Variants in NMT1 observed in about 807,000 individuals in gnomAD.
The protein encoded by NMT1 is N-myristoyltransferase 1, also known as glycylpeptide N-tetradecanoyltransferase 1.
In NMT1, 12 loss-of-function variants were observed where a neutral mutation model predicts 63.4. The observed-to-expected ratio is 0.19, with a 90% CI of 0.12 to 0.31. NMT1 has a LOEUF of 0.31. NMT1 is among the 10% of genes least tolerant of loss of function. The pLI is 1.00. For synonymous variants in NMT1, 228 were observed against 234.3 expected, an observed-to-expected ratio of 0.97 and a Z score of 0.25; for missense variants, 432 against 634.6, an observed-to-expected ratio of 0.68 and a Z score of 3.43.
chr17:45,099,655 T>TG, intron 8 of NMT1, 142 bp downstream of exon 8: 1 of 624,864 alleles, frequency 1.6e-6, no homozygotes, highest in Non-Finnish European at 2.9e-6. Flanking sequence ...TCAGATTTCC[T>TG]GGACTTTCTA....
rs547458983 is a variant in NMT1 at position 45,104,697 on chromosome 17, C to A, written c.1333-162C>A. 3.4e-6 allele frequency: 5 copies of A among 1,450,032 alleles called. No individual in the cohort carries two copies. In the African/African-American group the frequency reaches 5.7e-5, roughly 16 times the overall value. The allele number at this position is 1,450,032 out of a possible 1,614,324, so 89.8% of individuals were successfully genotyped here. A position where few individuals can be genotyped will look rare whatever the true frequency, so the allele number is the denominator to read the frequency against. On this transcript the variant is annotated intron_variant, in intron 10 of 11. Coordinates refer to ENST00000258960, the MANE Select transcript of NMT1 (RefSeq NM_021079.5). This position sits in a 1 kb window ranked among gnomAD's most constrained non-coding sequence, Gnocchi z 4.2. Reference sequence around the variant, plus strand: ...GGGGGCGCTCAGAGTGTCCTGAGAACCACCCGGAGAGCGGGGATTAACGTG... The same window carrying A: ...GGGGGCGCTCAGAGTGTCCTGAGAAACACCCGGAGAGCGGGGATTAACGTG...
chr17:45,079,110 T>C (rs963597865), intron 1 of NMT1, among the ~76,000 whole-genome samples: 5 of 148,592 alleles, frequency 3.4e-5, no homozygotes, highest in Non-Finnish European at 7.5e-5. Flanking sequence ...TTTTCTTTTT[T>C]TTTTTTTCCC....
chr17:45,083,473 G>C (rs7211508), intron 2 of NMT1, among the ~76,000 whole-genome samples: 134 of 152,150 alleles, frequency 8.8e-4, no homozygotes, highest in African/African-American at 3.1e-3. Context: ...ACCTTATTGA[G>C]ATATGACTTC....
intron 8 of NMT1, among the ~76,000 whole-genome samples, chr17:45,102,610 C>T (rs754019437): frequency 1.3e-5 from 2 of 152,224 alleles, no homozygotes; most frequent in East Asian, 1.9e-4. Flanking sequence ...GCAGAAGGTA[C>T]AGCTAGAAAG....
intron 1 of NMT1, among the ~76,000 whole-genome samples, chr17:45,076,620 C>A (rs182293029): frequency 6.6e-6 from 1 of 151,836 alleles, no homozygotes; most frequent in Non-Finnish European, 1.5e-5. Context: ...TGTGATGGCA[C>A]ATGCTTATAA....
At chr17:45,099,268 C>T (rs1217622949) in intron 7 of NMT1, 137 bp from the exon 8 acceptor site, 8 of 657,024 alleles carry the variant, frequency 1.2e-5, no homozygotes, top group Admixed American at 8.9e-5. Flanking sequence ...GGCTGGAGAG[C>T]AGGGTGACAC....
Position 45,103,072 on chromosome 17 carries a change from A to G in NMT1, c.1115A>G (p.Glu372Gly). ...LTPVMSQEEVEHWFYPQENII... is the reference protein window; with the variant it reads ...LTPVMSQEEVGHWFYPQENII... Reference sequence around the variant, plus strand: ...CCCGTCATGAGCCAGGAGGAGGTGGAGCACTGGTTCTACCCCCAGGAGAAT... The same window carrying G: ...CCCGTCATGAGCCAGGAGGAGGTGGGGCACTGGTTCTACCCCCAGGAGAAT... The change falls in exon 9 of 12, where the codon GAG (glutamate) becomes GGG (glycine). Residue 372 changes from glutamate to glycine, a missense_variant. Physicochemically the swap from Glu to Gly is moderately conservative, Grantham distance 98 (BLOSUM62 -2). This residue lies in a region of NMT1 where 295 missense variants were observed against 489.7 expected (regional missense o/e 0.60). Coordinates refer to ENST00000258960, the MANE Select transcript of NMT1 (RefSeq NM_021079.5). This position sits in a 1 kb window ranked among gnomAD's most constrained non-coding sequence, Gnocchi z 4.8. 1 of 1,613,950 alleles carries G rather than the reference A, an allele frequency of 6.2e-7. No individual in the cohort carries two copies. Among genetic ancestry groups the G allele is most frequent in the African/African-American group, 1.3e-5 (1 of 75,026 alleles).
At chr17:45,091,401 T>C (rs1461526107) in intron 3 of NMT1, among the ~76,000 whole-genome samples, 1 of 152,118 alleles carries the variant, frequency 6.6e-6, no homozygotes, top group East Asian at 1.9e-4. Flanking sequence ...AGTGAACACT[T>C]GGTGAAGGAG....
intron 1 of NMT1, among the ~76,000 whole-genome samples, chr17:45,065,317 A>G (rs1225300641): frequency 1.3e-5 from 2 of 152,084 alleles, no homozygotes; most frequent in East Asian, 1.9e-4. Flanking sequence ...AAGCCTCACT[A>G]CAGTTTTTAT....
At position 45,105,782 on chromosome 17, in the gene NMT1, C is replaced by T. The variant is rs547873231; in HGVS notation, c.*143C>T. 1.6e-4 allele frequency: 117 copies of T among 749,500 alleles called. No homozygotes were observed. The highest frequency in any genetic ancestry group is 1.2e-3 in the African/African-American group (70 of 56,630). The allele number at this position is 749,500 out of a possible 1,614,324, so 46.4% of individuals were successfully genotyped here. A position where few individuals can be genotyped will look rare whatever the true frequency, so the allele number is the denominator to read the frequency against. On this transcript the variant is annotated 3_prime_UTR_variant, in exon 12 of 12. Transcript: ENST00000258960. The surrounding 1 kb of genome is among the most constrained non-coding windows in gnomAD (Gnocchi z 4.2). ...TGAACCGGCTTTACCAAACCGCCAG[C>T]GAACTTGACAATTGTATTGCGATGG...
In NMT1 at chr17:45,103,206, G is replaced by A. The variant is rs1173771869; in HGVS notation, c.1164+85G>A. ...GTGGCCGGGTTCCCAGGGCTCGAGTGTTGGCACCTTAGACTTCCTTGACCA... is the reference window on the plus strand; with the variant it reads ...GTGGCCGGGTTCCCAGGGCTCGAGTATTGGCACCTTAGACTTCCTTGACCA... On this transcript the variant is annotated intron_variant, in intron 9 of 11. Coordinates refer to ENST00000258960, the MANE Select transcript of NMT1 (RefSeq NM_021079.5). This position sits in a 1 kb window ranked among gnomAD's most constrained non-coding sequence, Gnocchi z 4.8. 11 of 1,338,754 alleles carry A rather than the reference G, an allele frequency of 8.2e-6. No homozygotes were observed. The highest frequency in any genetic ancestry group is 1.2e-5 in the Non-Finnish European group (11 of 956,504). The allele number at this position is 1,338,754 out of a possible 1,614,324, so 82.9% of individuals were successfully genotyped here. A position where few individuals can be genotyped will look rare whatever the true frequency, so the allele number is the denominator to read the frequency against.
chr17:45,080,491 CAG>C (rs1712380570), intron 1 of NMT1, among the ~76,000 whole-genome samples: 1 of 93,650 alleles, frequency 1.1e-5, no homozygotes. Context: ...TTTTTTGAGA[CAG>C]AGTCTCGCTT....
chr17:45,093,725 G>A lies in NMT1; in HGVS notation c.426G>A (p.Lys142=), dbSNP rs1418173661. The change falls in exon 4 of 12, where the codon AAG becomes AAA. Residue 142 remains lysine (K), a synonymous_variant. Coordinates refer to ENST00000258960, the MANE Select transcript of NMT1 (RefSeq NM_021079.5). ...CCCATGGCCCCGTGGAGCCTGACAA[G>A]GACAATATCCGCCAGGAGCCCTACA... ...VNTHGPVEPD[K]DNIRQEPYTL... The A allele has an allele frequency of 6.2e-7, 1 of 1,614,236 alleles. No homozygotes were observed. The highest frequency in any genetic ancestry group is 2.2e-5 in the East Asian group (1 of 44,876).
chr17:45,096,380 C>A, intron 5 of NMT1, 95 bp downstream of exon 5: 2 of 931,164 alleles, frequency 2.1e-6, no homozygotes, highest in Non-Finnish European at 3.5e-6. Context: ...CAGGGGCCAA[C>A]CTTTGAATGG....
chr17:45,064,429 T>A (rs2053888387), intron 1 of NMT1, among the ~76,000 whole-genome samples: 1 of 152,128 alleles, frequency 6.6e-6, no homozygotes, highest in Non-Finnish European at 1.5e-5. Context: ...GAGTCAACAT[T>A]TTTCCATGAA....
intron 1 of NMT1, among the ~76,000 whole-genome samples, chr17:45,064,664 A>T (rs1428158355): frequency 6.6e-6 from 1 of 152,168 alleles, no homozygotes; most frequent in Non-Finnish European, 1.5e-5. Context: ...CTCTACTAAA[A>T]ATACAAAAAT....
intron 3 of NMT1, among the ~76,000 whole-genome samples, chr17:45,092,736 A>AG (rs2054097263): frequency 1.3e-5 from 2 of 151,990 alleles, no homozygotes; most frequent in Non-Finnish European, 2.9e-5. Context: ...AGAAAAGAAA[A>AG]AAAAAATATT....
chr17:45,103,944 G>T lies in NMT1; in HGVS notation c.1332+68G>T. On this transcript the variant is annotated intron_variant, in intron 10 of 11. Transcript: ENST00000258960. The surrounding 1 kb of genome is among the most constrained non-coding windows in gnomAD (Gnocchi z 4.8). ...AGGCAGTGGAGCCATGGTGAGCACAGCTCCCGGGACGCAGCCTCCCATGGG... is the reference window on the plus strand; with the variant it reads ...AGGCAGTGGAGCCATGGTGAGCACATCTCCCGGGACGCAGCCTCCCATGGG... The T allele has an allele frequency of 6.2e-7, 1 of 1,604,810 alleles. No individual in the cohort carries two copies.
chr17:45,104,167 C>A lies in NMT1; in HGVS notation c.1332+291C>A. 7.6e-7 allele frequency: 1 copy of A among 1,311,534 alleles called. No homozygotes were observed. The highest frequency in any genetic ancestry group is 9.8e-7 in the Non-Finnish European group (1 of 1,020,296). The allele number at this position is 1,311,534 out of a possible 1,614,324, so 81.2% of individuals were successfully genotyped here. ...AATAGCCAGGCCTTCCCTGGGAGGA[C>A]AGGGCTTCTCCTCACAGCTTTCCCA... On this transcript the variant is annotated intron_variant, in intron 10 of 11. Coordinates refer to ENST00000258960, the MANE Select transcript of NMT1 (RefSeq NM_021079.5). The surrounding 1 kb of genome is among the most constrained non-coding windows in gnomAD (Gnocchi z 4.2).
Sources: gnomAD v4.1 joint callset for allele counts (sites outside exome capture counted in the v4.1 genomes callset) on GRCh38, gnomAD v4.1.1 for gene constraint, gnomAD v4.1.1 regional missense constraint, Gnocchi (gnomAD v3.1) non-coding constraint, MANE v1.5 for transcripts, NCBI Gene and HGNC (gene_info 2026-07-23, HGNC 2026-07-21) for gene names.